EPHA7: variants seen among roughly 807,000 people sequenced by gnomAD.
EPHA7 encodes ephrin type-A receptor 7.
A neutral mutation model predicts 112.6 loss-of-function variants in EPHA7; 25 were observed. That is an observed-to-expected ratio of 0.22 (90% confidence interval 0.16 to 0.31). EPHA7 has a LOEUF of 0.31. EPHA7 is among the 10% of genes least tolerant of loss of function. The pLI is 1.00. For synonymous variants in EPHA7, 437 were observed against 406.5 expected (o/e 1.07, Z -0.90); for missense variants, 962 against 1,212.6 (o/e 0.79, Z 3.07).
chr6:93,327,622 A>C (rs1286183201), intron 5 of EPHA7, among the ~76,000 whole-genome samples: 1 of 151,490 alleles, frequency 6.6e-6, no homozygotes, highest in Non-Finnish European at 1.5e-5. Flanking sequence ...GCATAGGTTT[A>C]AAATACTCAA....
chr6:93,280,100 G>A (rs1470680217), intron 5 of EPHA7, among the ~76,000 whole-genome samples: 2 of 152,086 alleles, frequency 1.3e-5, no homozygotes, highest in African/African-American at 2.4e-5. Flanking sequence ...CTACCTTCCA[G>A]GAGATTTAAA....
chr6:93,348,894 A>ATAAC (rs1554184542), intron 5 of EPHA7, among the ~76,000 whole-genome samples: 129,233 of 151,494 alleles, frequency 0.85, 55,290 homozygotes, highest in African/African-American at 0.91. Flanking sequence ...ATTTTCCCCT[A>ATAAC]ATGAAGCCTA....
chr6:93,402,726 AT>A (rs558427611), intron 3 of EPHA7, among the ~76,000 whole-genome samples: 1 of 151,970 alleles, frequency 6.6e-6, no homozygotes, highest in Non-Finnish European at 1.5e-5. Flanking sequence ...TCTTTCTGTT[AT>A]TTTTTGTTTT....
intron 4 of EPHA7, 85 bp from the exon 5 acceptor site, chr6:93,357,137 G>C (rs1195656559): frequency 3.7e-6 from 4 of 1,075,754 alleles, no homozygotes; most frequent in Admixed American, 2.8e-5. Flanking sequence ...ATCTGTGTGG[G>C]GCATTAAGCT....
chr6:93,298,816 T>C (rs1033953822), intron 5 of EPHA7, among the ~76,000 whole-genome samples: 3 of 152,156 alleles, frequency 2.0e-5, no homozygotes, highest in Non-Finnish European at 2.9e-5. Flanking sequence ...CCTAAATAAG[T>C]CTATTTCTGA....
chr6:93,343,458 T>C (rs536496329), intron 5 of EPHA7, among the ~76,000 whole-genome samples: 29 of 151,866 alleles, frequency 1.9e-4, no homozygotes, highest in African/African-American at 6.7e-4. Context: ...TGAAGTGCTA[T>C]AAATTTAAGT....
intron 3 of EPHA7, among the ~76,000 whole-genome samples, chr6:93,408,798 A>C (rs1382849922): frequency 1.3e-5 from 2 of 152,106 alleles, no homozygotes; most frequent in Non-Finnish European, 2.9e-5. Context: ...AGTATATCCA[A>C]TACAAACACA....
At chr6:93,304,037 A>T (rs2127853679) in intron 5 of EPHA7, among the ~76,000 whole-genome samples, 1 of 152,166 alleles carries the variant, frequency 6.6e-6, no homozygotes, top group South Asian at 2.1e-4. Context: ...CCTTCACTGC[A>T]CTCAAACGAA....
At chr6:93,268,642 C>T (rs1771063242) in intron 7 of EPHA7, among the ~76,000 whole-genome samples, 1 of 151,662 alleles carries the variant, frequency 6.6e-6, no homozygotes, top group Admixed American at 6.6e-5. Flanking sequence ...TGTACTGAGA[C>T]ATCAGCTCTG....
chr6:93,241,918 T>G lies in EPHA7; in HGVS notation c.*1508A>C. On this transcript the variant is annotated 3_prime_UTR_variant, in exon 17 of 17. Coordinates refer to ENST00000369303, the MANE Select transcript of EPHA7 (RefSeq NM_004440.4). Reference sequence around the variant, plus strand: ...TTTGTTTGTTTGTGGATGCCCACATTATCAAACAAGACCAATTATGACCGA... The same window carrying G: ...TTTGTTTGTTTGTGGATGCCCACATGATCAAACAAGACCAATTATGACCGA... 4.6e-6 allele frequency: 1 copy of G among 217,736 alleles called. No homozygotes were observed. The highest frequency in any genetic ancestry group is 6.8e-5 in the East Asian group (1 of 14,752). 13.5% of individuals were successfully genotyped at this position (217,736 alleles called of 1,614,324 possible).
At chr6:93,406,268 T>C (rs1778716029) in intron 3 of EPHA7, among the ~76,000 whole-genome samples, 5 of 151,850 alleles carry the variant, frequency 3.3e-5, no homozygotes, top group Admixed American at 1.3e-4. Context: ...TATGTGCATG[T>C]AAATCTTATG....
At chr6:93,351,503 C>G (rs1040849057) in intron 5 of EPHA7, among the ~76,000 whole-genome samples, 4 of 151,912 alleles carry the variant, frequency 2.6e-5, no homozygotes, top group African/African-American at 9.7e-5. Flanking sequence ...CTTTCCAGAG[C>G]GTTAAAATAG....
At chr6:93,415,341 G>A (rs375982523) in intron 1 of EPHA7, among the ~76,000 whole-genome samples, 2 of 151,890 alleles carry the variant, frequency 1.3e-5, no homozygotes, top group South Asian at 4.1e-4. Flanking sequence ...TTATTTGCAA[G>A]ATTTTATTCA....
rs1216312331 is a variant in EPHA7 at position 93,240,785 on chromosome 6, A to G, written c.*2641T>C. ...TTCAAGGTGCAAGTTGTACATTCTT[A>G]TCGTTATACCATCTCATCTCTTTCT... On this transcript the variant is annotated 3_prime_UTR_variant, in exon 17 of 17. Coordinates refer to ENST00000369303, the MANE Select transcript of EPHA7 (RefSeq NM_004440.4). The G allele has an allele frequency of 9.4e-6, 2 of 213,228 alleles. No homozygotes were observed. The highest frequency in any genetic ancestry group is 4.5e-5 in the African/African-American group (2 of 44,252). 13.2% of individuals were successfully genotyped at this position (213,228 alleles called of 1,614,324 possible). A position where few individuals can be genotyped will look rare whatever the true frequency, so the allele number is the denominator to read the frequency against.
At chr6:93,303,862 G>A (rs2127853438) in intron 5 of EPHA7, among the ~76,000 whole-genome samples, 1 of 152,194 alleles carries the variant, frequency 6.6e-6, no homozygotes, top group Middle Eastern at 3.4e-3. Flanking sequence ...CTTTCTCCAT[G>A]AATTTTTCCC....
At chr6:93,305,030 ATTTAT>A (rs1773180401) in intron 5 of EPHA7, among the ~76,000 whole-genome samples, 1 of 151,940 alleles carries the variant, frequency 6.6e-6, no homozygotes, top group African/African-American at 2.4e-5. Flanking sequence ...TAGATTATTA[ATTTAT>A]TTTGTTGTCT....
At chr6:93,280,166 A>G (rs1705409592) in intron 5 of EPHA7, among the ~76,000 whole-genome samples, 1 of 152,164 alleles carries the variant, frequency 6.6e-6, no homozygotes. Context: ...GCAAAACTAA[A>G]TATCCTAACA....
chr6:93,418,096 T>C (rs1779335832), intron 1 of EPHA7, among the ~76,000 whole-genome samples: 1 of 151,170 alleles, frequency 6.6e-6, no homozygotes, highest in South Asian at 2.1e-4. Flanking sequence ...AATAAGTAAT[T>C]ATTTCTCTTC....
intron 1 of EPHA7, 43 bp downstream of exon 1, chr6:93,419,202 A>C (rs775698013): frequency 3.2e-6 from 5 of 1,546,116 alleles, no homozygotes; most frequent in Non-Finnish European, 4.5e-6. Context: ...GTAGACATCT[A>C]AATAAATAAG....
Sources: gnomAD v4.1 joint callset for allele counts (sites outside exome capture counted in the v4.1 genomes callset) on GRCh38, gnomAD v4.1.1 for gene constraint, MANE v1.5 for transcripts, NCBI Gene and HGNC (gene_info 2026-07-23, HGNC 2026-07-21) for gene names.